Variants in SYNM observed in about 807,000 individuals in gnomAD.
SYNM encodes desmuslin.
In SYNM, 95 loss-of-function variants were observed where a neutral mutation model predicts 104.0. The ratio of observed to expected loss-of-function variants is 0.91; its 90% CI spans 0.77 to 1.08. The LOEUF (loss-of-function observed/expected upper bound fraction) is 1.08, where lower values mean the gene tolerates loss of function less well. Among genes scored for constraint, SYNM ranks in the 50% least tolerant of loss-of-function variants. SYNM has a pLI of 0.00. For synonymous variants in SYNM, 918 were observed against 869.0 expected, an observed-to-expected ratio of 1.06 and a Z score of -0.99; for missense variants, 2,150 against 2,052.2, an observed-to-expected ratio of 1.05 and a Z score of -0.92.
At chr15:99,125,380 T>A (rs1437262194) in intron 2 of SYNM, among the ~76,000 whole-genome samples, 1 of 152,202 alleles carries the variant, frequency 6.6e-6, no homozygotes, top group Non-Finnish European at 1.5e-5. Flanking sequence ...GGGCGTGGGA[T>A]TAATGGGTTG....
intron 2 of SYNM, among the ~76,000 whole-genome samples, chr15:99,118,093 G>T (rs1409684806): frequency 6.6e-6 from 1 of 152,208 alleles, no homozygotes; most frequent in Non-Finnish European, 1.5e-5. Flanking sequence ...TGCTGGGTAG[G>T]ATCGCTGCAG....
intron 2 of SYNM, among the ~76,000 whole-genome samples, chr15:99,119,464 G>A (rs530341983): frequency 2.0e-3 from 309 of 152,348 alleles, no homozygotes; most frequent in Middle Eastern, 0.01. Context: ...TCTCACAGCA[G>A]CCTGGAAGAC....
Position 99,130,422 on chromosome 15 carries a change from G to A in SYNM, c.2062G>A (p.Val688Met), listed in dbSNP as rs369940568. 163 of 1,613,724 alleles carry A rather than the reference G, an allele frequency of 1.0e-4. 1 individual carries two copies. The highest frequency in any genetic ancestry group is 1.3e-4 in the Non-Finnish European group (159 of 1,179,884). ...AAGGAAAACAAAGACTGAAATAGTT[G>A]TGGAGTCTAAACTGACTGAGGATGT... ...GERKTKTEIV[V>M]ESKLTEDVDV... The change falls in exon 4 of 4, where the codon GTG becomes ATG. Residue 688 changes from valine to methionine, a missense_variant. Coordinates refer to ENST00000336292, the MANE Select transcript of SYNM (RefSeq NM_145728.3).
Position 99,109,530 on chromosome 15 carries a change from G to A in SYNM, c.810+3521G>A, listed in dbSNP as rs2067281512. Among the ~76,000 whole-genome samples the A allele has an allele frequency of 2.0e-5, 3 of 152,156 alleles. No individual in the cohort carries two copies. In the South Asian group the frequency reaches 6.2e-4, roughly 32 times the overall value. On this transcript the variant is annotated intron_variant, in intron 1 of 3. Transcript: ENST00000336292. ...ATTAGCTAAGGGTCAGTGCTCTGCAGCTGTCCTACCTGGCCCTGAATTCTG... is the reference window on the plus strand; with the variant it reads ...ATTAGCTAAGGGTCAGTGCTCTGCAACTGTCCTACCTGGCCCTGAATTCTG...
chr15:99,117,298 G>A (rs1670239), intron 2 of SYNM, among the ~76,000 whole-genome samples: 2,099 of 152,266 alleles, frequency 0.014, 46 homozygotes, highest in African/African-American at 0.047. Flanking sequence ...TCTCGTGCCC[G>A]TGGTCATCCT....
chr15:99,123,135 C>T (rs1232888335), intron 2 of SYNM, among the ~76,000 whole-genome samples: 1 of 152,162 alleles, frequency 6.6e-6, no homozygotes, highest in Non-Finnish European at 1.5e-5. Context: ...CTCTCCATTT[C>T]AGAAATAGGG....
chr15:99,139,424 T>C, downstream of SYNM: 1 of 1,613,738 alleles, frequency 6.2e-7, no homozygotes, highest in South Asian at 1.1e-5. Flanking sequence ...GCAGCTATCA[T>C]GAGGCTATGG....
chr15:99,130,817 A>C lies in SYNM; in HGVS notation c.2457A>C (p.Thr819=). ...QENTTHVEEV[T]EAGDSEGEQS... ...ACACGACTCACGTGGAAGAAGTGAC[A>C]GAGGCAGGTGATTCAGAGGGCGAGC... is the stretch of plus-strand genomic sequence containing the variant. Residue 819 remains threonine (T), a synonymous_variant, in exon 4 of 4, where the codon ACA becomes ACC. Transcript: ENST00000336292. The C allele has an allele frequency of 6.2e-7, 1 of 1,614,052 alleles. No homozygotes were observed. Among genetic ancestry groups the C allele is most frequent in the Non-Finnish European group, 8.5e-7 (1 of 1,179,898 alleles).
downstream of SYNM, among the ~76,000 whole-genome samples, chr15:99,138,525 T>C (rs2067821353): frequency 6.6e-6 from 1 of 152,150 alleles, no homozygotes; most frequent in South Asian, 2.1e-4. Context: ...TGTTGGCCAG[T>C]CTGGTCTCAA....
intron 2 of SYNM, among the ~76,000 whole-genome samples, chr15:99,120,923 TA>T (rs1479080522): frequency 6.6e-5 from 10 of 152,118 alleles, no homozygotes; most frequent in Non-Finnish European, 2.9e-5. Flanking sequence ...TGCACATTCC[TA>T]GGGGGTAGTG....
At chr15:99,139,718 A>G (rs781955749), downstream of SYNM, 71 of 1,354,960 alleles carry the variant, frequency 5.2e-5, no homozygotes, top group Middle Eastern at 2.1e-4. Context: ...TCCAGTTTCT[A>G]TTTTTAAATG....
the SYNM span, chr15:99,140,971 T>A: frequency 6.6e-6 from 1 of 152,176 alleles, no homozygotes; most frequent in African/African-American, 2.4e-5. Flanking sequence ...TTCAAAGAGT[T>A]GAAATCTGAT....
Position 99,133,958 on chromosome 15 carries a change from A to G in SYNM, c.*900A>G, listed in dbSNP as rs1555486378. ...GAGGTAGACCTTGAAGACAATGAAG[A>G]GAATGCCGATACTCAGACTGCAGCT... On this transcript the variant is annotated 3_prime_UTR_variant, in exon 4 of 4. Coordinates refer to ENST00000336292, the MANE Select transcript of SYNM (RefSeq NM_145728.3). 6.6e-6 allele frequency: 1 copy of G among 152,232 alleles called. No homozygotes were observed. Among genetic ancestry groups the G allele is most frequent in the Non-Finnish European group, 1.5e-5 (1 of 68,078 alleles). 9.4% of individuals were successfully genotyped at this position (152,232 alleles called of 1,614,324 possible).
rs1242814522 is a variant in SYNM, at chr15:99,132,482, T to A, written c.4122T>A (p.Ser1374Arg). 3 of 1,614,024 alleles carry A rather than the reference T, an allele frequency of 1.9e-6. No homozygotes were observed. In the East Asian group the frequency reaches 6.7e-5, roughly 36 times the overall value. Residue 1374 changes from serine (S) to arginine (R), a missense_variant, in exon 4 of 4, where the codon AGT (serine) becomes AGA (arginine). Ser to Arg is a moderately radical substitution (Grantham distance 110, BLOSUM62 -1). Transcript: ENST00000336292. ...TVMTEKSTFQ[S>R]VVSESPQEDS... ...TGACTGAAAAGAGCACCTTCCAAAG[T>A]GTCGTTTCTGAATCTCCCCAGGAGG... is the stretch of plus-strand genomic sequence containing the variant.
chr15:99,121,177 G>A (rs1375584625), intron 2 of SYNM, among the ~76,000 whole-genome samples: 4 of 152,034 alleles, frequency 2.6e-5, no homozygotes, highest in African/African-American at 9.7e-5. Context: ...GTGAGGAGAG[G>A]TCTGGGAATG....
chr15:99,123,709 C>T (rs1190336656), intron 2 of SYNM, among the ~76,000 whole-genome samples: 1 of 152,244 alleles, frequency 6.6e-6, no homozygotes, highest in African/African-American at 2.4e-5. Flanking sequence ...TAGGAAGCAC[C>T]CCGTGAATCA....
In SYNM at chr15:99,119,293, C is replaced by T. The variant is rs183540550; in HGVS notation, c.935+5578C>T. Among the ~76,000 whole-genome samples the T allele has an allele frequency of 1.6e-3, 242 of 152,346 alleles. 2 individuals carry two copies. The highest frequency in any genetic ancestry group is 5.7e-3 in the African/African-American group (235 of 41,580). On this transcript the variant is annotated intron_variant, in intron 2 of 3. Transcript: ENST00000336292. ...CAGGGCCTCACAGCTCACAGGGCGG[C>T]AGCATGCGCATTGTGAGGCATTGCA...
intron 2 of SYNM, among the ~76,000 whole-genome samples, chr15:99,120,321 CAG>C (rs1241323816): frequency 6.6e-6 from 1 of 152,080 alleles, no homozygotes; most frequent in Non-Finnish European, 1.5e-5. Flanking sequence ...ATGAGGCACG[CAG>C]GGAGGGCTTC....
downstream of SYNM, among the ~76,000 whole-genome samples, chr15:99,138,942 G>C (rs2067881418): frequency 6.6e-6 from 1 of 152,212 alleles, no homozygotes; most frequent in South Asian, 2.1e-4. Flanking sequence ...TTTAAGGTCA[G>C]TCAGTGAACC....
Sources: allele counts gnomAD v4.1 joint callset (sites outside exome capture counted in the v4.1 genomes callset), GRCh38; gene constraint gnomAD v4.1.1; transcripts MANE v1.5; gene names NCBI Gene and HGNC (gene_info 2026-07-23, HGNC 2026-07-21).